The following PDE11A variants were observed in gnomAD, a reference collection of about 807,000 sequenced individuals.
The protein encoded by PDE11A is phosphodiesterase 11A.
PDE11A carries 100 observed loss-of-function variants against 100.5 expected under a neutral mutation model. The ratio of observed to expected loss-of-function variants is 1.00; its 90% confidence interval spans 0.85 to 1.18. The LOEUF is 1.18. Ranked by LOEUF, PDE11A falls within the 50% of genes most tolerant of loss-of-function variation. The pLI is 0.00. For synonymous variants in PDE11A, 381 were observed against 420.8 expected (o/e 0.91, Z 1.16); for missense variants, 1,141 against 1,152.6 (o/e 0.99, Z 0.15).
At chr2:178,099,299 G>C (rs1461220863) in intron 2 of PDE11A, among the ~76,000 whole-genome samples, 3 of 151,868 alleles carry the variant, frequency 2.0e-5, no homozygotes, top group African/African-American at 7.3e-5. Flanking sequence ...TTAGCCGCAT[G>C]TGGTGGCACA....
chr2:178,061,227 G>A (rs754989987), intron 1 of PDE11A, among the ~76,000 whole-genome samples: 2 of 152,004 alleles, frequency 1.3e-5, no homozygotes, highest in Non-Finnish European at 1.5e-5. Context: ...AGTTGTGGTT[G>A]GCAGAGTCGG....
At chr2:177,696,417 G>A (rs1221528596) in intron 15 of PDE11A, among the ~76,000 whole-genome samples, 1 of 152,096 alleles carries the variant, frequency 6.6e-6, no homozygotes, top group African/African-American at 2.4e-5. Context: ...CTGGAGATTG[G>A]GCAAGCAAGG....
chr2:177,894,333 G>A (rs1455295880), intron 4 of PDE11A, among the ~76,000 whole-genome samples: 14 of 152,098 alleles, frequency 9.2e-5, no homozygotes, highest in Admixed American at 9.2e-4. Context: ...CAGCAGACTT[G>A]CCAAAAAGTC....
chr2:177,897,482 A>T (rs1453464520), intron 4 of PDE11A, among the ~76,000 whole-genome samples: 2 of 152,186 alleles, frequency 1.3e-5, no homozygotes, highest in Non-Finnish European at 2.9e-5. Flanking sequence ...TCGCAGGTTA[A>T]CAGCAGCTGT....
intron 19 of PDE11A, among the ~76,000 whole-genome samples, chr2:177,637,373 T>C (rs535329463): frequency 6.6e-6 from 1 of 152,320 alleles, no homozygotes; most frequent in Admixed American, 6.5e-5. Flanking sequence ...AAGTCTTCTC[T>C]GGTCTTCTGG....
intron 12 of PDE11A, among the ~76,000 whole-genome samples, chr2:177,727,330 T>G (rs1236952609): frequency 6.6e-6 from 1 of 152,144 alleles, no homozygotes; most frequent in Non-Finnish European, 1.5e-5. Flanking sequence ...ATCTCTTTGT[T>G]CTGTTACTCA....
intron 4 of PDE11A, among the ~76,000 whole-genome samples, chr2:177,886,616 T>A (rs1044299534): frequency 6.6e-6 from 1 of 152,194 alleles, no homozygotes. Context: ...AATAGAACTT[T>A]TGTTTTCAGG....
At chr2:178,086,348 G>A (rs910448498) in intron 2 of PDE11A, among the ~76,000 whole-genome samples, 11 of 152,148 alleles carry the variant, frequency 7.2e-5, no homozygotes, top group African/African-American at 2.7e-4. Context: ...CAGCATGAGA[G>A]AGTTCTACAC....
chr2:177,875,704 T>C (rs770070770), intron 5 of PDE11A, among the ~76,000 whole-genome samples, 155 bp downstream of exon 5: 13 of 152,242 alleles, frequency 8.5e-5, no homozygotes, highest in African/African-American at 1.4e-4. Flanking sequence ...TTTTAAGATA[T>C]AGTTTTAATT....
intron 2 of PDE11A, among the ~76,000 whole-genome samples, chr2:177,967,200 CTTTT>C (rs34293348): frequency 4.7e-5 from 5 of 106,212 alleles, no homozygotes; most frequent in Non-Finnish European, 5.5e-5. Flanking sequence ...TCTCCTTTGT[CTTTT>C]TTTTTTTTTT....
intron 2 of PDE11A, among the ~76,000 whole-genome samples, chr2:177,947,242 G>A (rs1186551323): frequency 8.0e-6 from 1 of 124,354 alleles, no homozygotes; most frequent in Admixed American, 8.1e-5. Context: ...CCCTCTGCCC[G>A]GCCACCACCC....
chr2:177,927,875 T>A (rs1023409451), intron 2 of PDE11A, among the ~76,000 whole-genome samples: 1 of 151,954 alleles, frequency 6.6e-6, no homozygotes, highest in African/African-American at 2.4e-5. Flanking sequence ...GAGGCCGAGA[T>A]GGGCAGATCA....
At chr2:177,838,430 AAT>A (rs1490471930) in intron 6 of PDE11A, among the ~76,000 whole-genome samples, 1 of 152,206 alleles carries the variant, frequency 6.6e-6, no homozygotes, top group East Asian at 1.9e-4. Flanking sequence ...ACTTAAATGA[AAT>A]ATTTTTTTAA....
chr2:177,887,468 A>G (rs1387867301), intron 4 of PDE11A, among the ~76,000 whole-genome samples: 1 of 152,196 alleles, frequency 6.6e-6, no homozygotes, highest in Non-Finnish European at 1.5e-5. Flanking sequence ...AGAAAAAAAA[A>G]AAAGATTTTC....
chr2:177,709,153 C>T (rs530345746), intron 13 of PDE11A, among the ~76,000 whole-genome samples: 2 of 152,192 alleles, frequency 1.3e-5, no homozygotes, highest in Admixed American at 6.5e-5. Flanking sequence ...GGCAGGAGTC[C>T]GAATGAAAAG....
intron 2 of PDE11A, among the ~76,000 whole-genome samples, chr2:177,957,609 C>T (rs941460650): frequency 6.6e-6 from 1 of 152,168 alleles, no homozygotes; most frequent in Non-Finnish European, 1.5e-5. Context: ...CTATGTGATT[C>T]TCCAGGTTAT....
At chr2:177,881,035 T>A (rs1031159237) in intron 4 of PDE11A, among the ~76,000 whole-genome samples, 4 of 152,162 alleles carry the variant, frequency 2.6e-5, no homozygotes, top group Non-Finnish European at 5.9e-5. Context: ...AATCAATAAA[T>A]TGAGTAAAGA....
intron 1 of PDE11A, chr2:178,105,672 T>C: frequency 1.3e-6 from 1 of 765,516 alleles, no homozygotes; most frequent in African/African-American, 1.8e-5. Context: ...TGGTACAGGA[T>C]GGCATAATGA....
At chr2:177,748,636 T>TA (rs11399942) in intron 10 of PDE11A, among the ~76,000 whole-genome samples, 116,663 of 151,278 alleles carry the variant, frequency 0.77, 46,353 homozygotes, top group East Asian at 0.99. Flanking sequence ...AGACAGCAGT[T>TA]TTTTTTTTTT....
Sources: gnomAD v4.1 joint callset for allele counts (sites outside exome capture counted in the v4.1 genomes callset) on GRCh38, gnomAD v4.1.1 for gene constraint, MANE v1.5 for transcripts, NCBI Gene and HGNC (gene_info 2026-07-23, HGNC 2026-07-21) for gene names.